CXADR: variants seen among roughly 807,000 people sequenced by gnomAD.
CXADR encodes CXADR cell adhesion molecule.
In CXADR, 20 loss-of-function variants were observed where a neutral mutation model predicts 40.3. The observed-to-expected ratio is 0.50, with a 90% CI of 0.35 to 0.72. The LOEUF is 0.72. Ranked by LOEUF, CXADR falls within the 30% of genes least tolerant of loss-of-function variation. The pLI, the probability that CXADR is intolerant of heterozygous loss-of-function variation, is 0.01. For synonymous variants in CXADR, 150 were observed against 161.3 expected (o/e 0.93, Z 0.53); for missense variants, 332 against 449.1 (o/e 0.74, Z 2.36).
downstream of CXADR, among the ~76,000 whole-genome samples, chr21:17,595,613 A>G (rs528160715): frequency 9.9e-5 from 15 of 152,112 alleles, 1 homozygote; most frequent in African/African-American, 3.1e-4. Flanking sequence ...CTACAGCTAG[A>G]TAGTATAGCA....
chr21:17,588,546 G>T (rs1303626331), intron 7 of CXADR, among the ~76,000 whole-genome samples: 2 of 151,962 alleles, frequency 1.3e-5, no homozygotes, highest in Admixed American at 6.6e-5. Context: ...GTCTGTTATT[G>T]GTGTATAAGA....
At chr21:17,587,205 G>A (rs1204769230) in intron 7 of CXADR, among the ~76,000 whole-genome samples, 1 of 152,140 alleles carries the variant, frequency 6.6e-6, no homozygotes, top group Non-Finnish European at 1.5e-5. Context: ...ACCTACGTGT[G>A]CATGTGTCCT....
Position 17,560,738 on chromosome 21 carries a change from C to G in CXADR, c.608C>G (p.Ser203Cys). 1 of 1,613,726 alleles carries G rather than the reference C, an allele frequency of 6.2e-7. No individual in the cohort carries two copies. Among genetic ancestry groups the G allele is most frequent in the Non-Finnish European group, 8.5e-7 (1 of 1,179,910 alleles). ...TSSVISVKNA[S>C]SEYSGTYSCT... ...TCTGTTATATCTGTAAAAAATGCCT[C>G]TTCTGAGTACTCTGGGACATACAGC... Residue 203 changes from serine to cysteine, a missense_variant, in exon 5 of 7, where the codon TCT (serine) becomes TGT (cysteine). By Grantham distance (112) the Ser-to-Cys change is moderately radical. Coordinates refer to ENST00000284878, the MANE Select transcript of CXADR (RefSeq NM_001338.5).
the CXADR span, chr21:17,612,803 G>C: frequency 2.0e-5 from 3 of 152,162 alleles, no homozygotes; most frequent in Non-Finnish European, 2.9e-5. Context: ...GGGCAACAGG[G>C]AGCGCAGCGA....
At position 17,569,742 on chromosome 21, in the gene CXADR, G is replaced by C; in HGVS notation, c.*4050G>C. On this transcript the variant is annotated 3_prime_UTR_variant, in exon 7 of 7. Coordinates refer to ENST00000284878, the MANE Select transcript of CXADR (RefSeq NM_001338.5). The stretch of plus-strand genomic sequence containing the variant: ...TAAGAATATAGTACATATCAGTTGG[G>C]TTTGGTTTTGGTCATCGAGACTAAA... 3 of 978,306 alleles carry C rather than the reference G, an allele frequency of 3.1e-6. No individual in the cohort carries two copies. Among genetic ancestry groups the C allele is most frequent in the South Asian group, 9.5e-5 (2 of 21,120 alleles). 60.6% of individuals were successfully genotyped at this position (978,306 alleles called of 1,614,324 possible). A position where few individuals can be genotyped will look rare whatever the true frequency, so the allele number is the denominator to read the frequency against.
chr21:17,584,982 A>G (rs1212058162), intron 7 of CXADR, among the ~76,000 whole-genome samples: 3 of 152,158 alleles, frequency 2.0e-5, no homozygotes, highest in Non-Finnish European at 2.9e-5. Flanking sequence ...TGGATGATTT[A>G]TAAGATGCAA....
At chr21:17,597,598 T>C (rs972577266), downstream of CXADR, among the ~76,000 whole-genome samples, 1 of 152,054 alleles carries the variant, frequency 6.6e-6, no homozygotes, top group Admixed American at 6.5e-5. Context: ...CTTGTACTGT[T>C]TGAAGTTTCA....
At chr21:17,539,666 A>G (rs2123212407) in intron 1 of CXADR, among the ~76,000 whole-genome samples, 1 of 151,496 alleles carries the variant, frequency 6.6e-6, no homozygotes, top group South Asian at 2.1e-4. Flanking sequence ...CAGATAAGCA[A>G]TAAATTTAAA....
the CXADR span, among the ~76,000 whole-genome samples, chr21:17,606,199 A>G: frequency 2.0e-5 from 3 of 152,154 alleles, no homozygotes; most frequent in Admixed American, 6.5e-5. Context: ...CCTGTGAGTT[A>G]GATACTTTTT....
chr21:17,620,829 CAGAG>C, the CXADR span, among the ~76,000 whole-genome samples: 24 of 149,940 alleles, frequency 1.6e-4, no homozygotes, highest in Non-Finnish European at 2.6e-4. Flanking sequence ...AGAAAAAAGA[CAGAG>C]AGGAGAGATT....
At chr21:17,538,956 C>CT (rs2123209496) in intron 1 of CXADR, among the ~76,000 whole-genome samples, 1 of 152,206 alleles carries the variant, frequency 6.6e-6, no homozygotes, top group South Asian at 2.1e-4. Context: ...TAATAGTGGC[C>CT]TGGATATAGG....
At chr21:17,585,125 A>G (rs957493000) in intron 7 of CXADR, among the ~76,000 whole-genome samples, 1 of 152,206 alleles carries the variant, frequency 6.6e-6, no homozygotes, top group African/African-American at 2.4e-5. Context: ...GTGAATTCAT[A>G]AAGTTGGTAG....
intron 1 of CXADR, among the ~76,000 whole-genome samples, chr21:17,544,666 G>A (rs992391754): frequency 1.3e-5 from 2 of 152,172 alleles, no homozygotes; most frequent in Middle Eastern, 3.4e-3. Context: ...GCCTAACCTC[G>A]GAACTACACA....
Position 17,539,342 on chromosome 21 carries a change from G to A in CXADR, c.44-7685G>A, listed in dbSNP as rs150504218. Among the ~76,000 whole-genome samples, 1,028 of 151,160 alleles carry A rather than the reference G, an allele frequency of 6.8e-3. 13 individuals are homozygous for A. Among genetic ancestry groups the A allele is most frequent in the African/African-American group, 0.024 (983 of 41,460 alleles). On this transcript the variant is annotated intron_variant, in intron 1 of 6. Coordinates refer to ENST00000284878, the MANE Select transcript of CXADR (RefSeq NM_001338.5). ...CTTCCAGCCCAGCTTTAAAACTGTC[G>A]CTGGTTTGTGCTTTCCTTATTTTAG... is the stretch of plus-strand genomic sequence containing the variant.
At chr21:17,539,847 A>G (rs1274914240) in intron 1 of CXADR, among the ~76,000 whole-genome samples, 1 of 152,150 alleles carries the variant, frequency 6.6e-6, no homozygotes, top group Non-Finnish European at 1.5e-5. Flanking sequence ...TGCTGAAATC[A>G]TTACCTTCAT....
intron 1 of CXADR, among the ~76,000 whole-genome samples, chr21:17,529,060 A>T: frequency 1.6e-5 from 2 of 125,296 alleles, no homozygotes. Flanking sequence ...TTTTTTTGAG[A>T]CAGAGTCTCA....
At chr21:17,622,578 T>C in the CXADR span, among the ~76,000 whole-genome samples, 4,875 of 152,194 alleles carry the variant, frequency 0.032, 161 homozygotes, top group East Asian at 0.16. Flanking sequence ...TAGCTTGATG[T>C]GCTCACAAAT....
At chr21:17,588,830 A>G (rs1297361921) in intron 7 of CXADR, among the ~76,000 whole-genome samples, 3 of 152,100 alleles carry the variant, frequency 2.0e-5, no homozygotes, top group Non-Finnish European at 4.4e-5. Flanking sequence ...TAGTTACATA[A>G]AATTTTGCTG....
chr21:17,521,855 C>A (rs1288070724), intron 1 of CXADR, among the ~76,000 whole-genome samples: 1 of 152,156 alleles, frequency 6.6e-6, no homozygotes, highest in African/African-American at 2.4e-5. Context: ...CATGGTATTT[C>A]TCCTTAAGGC....
Sources: gnomAD v4.1 joint callset for allele counts (sites outside exome capture counted in the v4.1 genomes callset) on GRCh38, gnomAD v4.1.1 for gene constraint, MANE v1.5 for transcripts, NCBI Gene and HGNC (gene_info 2026-07-23, HGNC 2026-07-21) for gene names.